Variants in NEIL3 observed in about 807,000 individuals in gnomAD.
NEIL3 encodes the protein endonuclease 8-like 3.
A neutral mutation model predicts 57.5 loss-of-function variants in NEIL3; 48 were observed. The observed-to-expected ratio is 0.83, with a 90% CI of 0.66 to 1.06. The LOEUF is 1.06. Among genes scored for constraint, NEIL3 ranks in the 50% least tolerant of loss-of-function variants. NEIL3 has a pLI of 0.00. For synonymous variants in NEIL3, 261 were observed against 253.2 expected, an observed-to-expected ratio of 1.03 and a Z score of -0.29; for missense variants, 717 against 739.1, an observed-to-expected ratio of 0.97 and a Z score of 0.35.
intron 5 of NEIL3, among the ~76,000 whole-genome samples, chr4:177,341,116 T>G (rs1735082170): frequency 6.6e-6 from 1 of 152,126 alleles, no homozygotes; most frequent in Non-Finnish European, 1.5e-5. Context: ...AATCTAGCCT[T>G]TTTCTTTTAA....
chr4:177,320,462 C>CTTTTTTTTTTTTTTTTTTTTTTT (rs1560908362), intron 1 of NEIL3, among the ~76,000 whole-genome samples: 1 of 110,694 alleles, frequency 9.0e-6, no homozygotes, highest in African/African-American at 3.4e-5. Flanking sequence ...GAAGTGACTG[C>CTTTTTTTTTTTTTTTTTTTTTTT]TGTCTTTTTT....
Position 177,353,695 on chromosome 4 carries a change from A to C in NEIL3, c.1427A>C (p.Glu476Ala). The C allele has an allele frequency of 1.2e-6, 2 of 1,613,076 alleles. No homozygotes were observed. The highest frequency in any genetic ancestry group is 1.7e-6 in the Non-Finnish European group (2 of 1,179,714). ...AAAACAGCCCAATACTCATCACCAG[A>C]GCTTAAAAGCTGCAACCCTGGATAT... ...KPKTAQYSSP[E>A]LKSCNPGYSN... The change falls in exon 8 of 10, where the codon GAG (glutamate) becomes GCG (alanine). Residue 476 changes from glutamate (E) to alanine (A), a missense_variant. Glu to Ala is a moderately radical substitution (Grantham distance 107). Transcript: ENST00000264596.
At chr4:177,339,992 T>C in intron 5 of NEIL3, 135 bp downstream of exon 5, 1 of 629,050 alleles carries the variant, frequency 1.6e-6, no homozygotes. Context: ...GAGAGTGACA[T>C]TATGTGGGTG....
intron 8 of NEIL3, among the ~76,000 whole-genome samples, chr4:177,358,009 C>T (rs1735515090): frequency 6.6e-6 from 1 of 152,062 alleles, no homozygotes; most frequent in African/African-American, 2.4e-5. Flanking sequence ...ATTTAATTAT[C>T]CTGGATAATG....
chr4:177,340,068 A>G (rs1735061958), intron 5 of NEIL3, among the ~76,000 whole-genome samples: 1 of 152,218 alleles, frequency 6.6e-6, no homozygotes, highest in Non-Finnish European at 1.5e-5. Context: ...ACCATATTCA[A>G]TTATCTTTAT....
At chr4:177,344,887 A>G (rs759112271) in intron 6 of NEIL3, among the ~76,000 whole-genome samples, 1 of 152,128 alleles carries the variant, frequency 6.6e-6, no homozygotes, top group Non-Finnish European at 1.5e-5. Context: ...ATTATTTGCT[A>G]GCTAATATAA....
intron 2 of NEIL3, among the ~76,000 whole-genome samples, chr4:177,326,018 C>A (rs1734773083): frequency 1.3e-5 from 2 of 152,048 alleles, no homozygotes; most frequent in South Asian, 4.1e-4. Context: ...TTAACCATAT[C>A]TCTTCAAGAT....
At chr4:177,310,193 T>C (rs1377326338) in intron 1 of NEIL3, 84 bp downstream of exon 1, 19 of 1,353,166 alleles carry the variant, frequency 1.4e-5, no homozygotes, top group Non-Finnish European at 4.8e-6. Flanking sequence ...ATTTAAAGTG[T>C]CATCTCTTTG....
chr4:177,362,281 TCCTGCAG>T lies in NEIL3; in HGVS notation c.1636-7_1636-1del. 1 of 1,589,612 alleles carries T rather than the reference TCCTGCAG, an allele frequency of 6.3e-7. No individual in the cohort carries two copies. Among genetic ancestry groups the T allele is most frequent in the Non-Finnish European group, 8.5e-7 (1 of 1,169,910 alleles). ...ATAAACTTGTAAATTTACCTTTTTTTCCTGCAGTGGGCAGATTTGTCCTTCCCATTCT... is the reference window on the plus strand; with the variant it reads ...ATAAACTTGTAAATTTACCTTTTTTTTGGGCAGATTTGTCCTTCCCATTCT... On this transcript the variant is annotated splice_acceptor_variant and splice_polypyrimidine_tract_variant and intron_variant, in intron 9 of 9. Transcript: ENST00000264596. LOFTEE classifies it high-confidence loss of function.
At chr4:177,335,976 C>G in intron 3 of NEIL3, 132 bp from the exon 4 acceptor site, 1 of 1,040,158 alleles carries the variant, frequency 9.6e-7, no homozygotes, top group Non-Finnish European at 1.4e-6. Context: ...TTTGTAAGGT[C>G]TTTGTTGTTT....
At chr4:177,367,298 C>T (rs116757233), downstream of NEIL3, among the ~76,000 whole-genome samples, 1 of 152,240 alleles carries the variant, frequency 6.6e-6, no homozygotes, top group African/African-American at 2.4e-5. Flanking sequence ...TGCCATCAGC[C>T]TCTTGAGGTT....
In NEIL3 at chr4:177,338,024, T is replaced by TCTCA. The variant is rs71597499; in HGVS notation, c.627+1704_627+1705insTCAC. Among the ~76,000 whole-genome samples the TCTCA allele has an allele frequency of 9.7e-3, 1,446 of 149,454 alleles. 32 individuals carry two copies. The highest frequency in any genetic ancestry group is 0.034 in the African/African-American group (1,370 of 40,550). On this transcript the variant is annotated intron_variant, in intron 4 of 9. Coordinates refer to ENST00000264596, the MANE Select transcript of NEIL3 (RefSeq NM_018248.3). Reference sequence around the variant, plus strand: ...CAGAGCGAGACTCTGTCTCTCTCTCTCACACACACACACACACACACACAC... The same window carrying TCTCA: ...CAGAGCGAGACTCTGTCTCTCTCTCTCTCACACACACACACACACACACACACAC...
chr4:177,345,181 G>A (rs1391690905), intron 6 of NEIL3, among the ~76,000 whole-genome samples: 3 of 152,220 alleles, frequency 2.0e-5, no homozygotes, highest in African/African-American at 7.2e-5. Flanking sequence ...AAACACTTAA[G>A]TCTACCTGGG....
At chr4:177,322,185 C>G (rs1734697980) in intron 1 of NEIL3, among the ~76,000 whole-genome samples, 2 of 152,130 alleles carry the variant, frequency 1.3e-5, no homozygotes, top group Non-Finnish European at 2.9e-5. Context: ...ATGCACAGAG[C>G]TATATGGTCC....
intron 1 of NEIL3, among the ~76,000 whole-genome samples, chr4:177,316,756 G>A (rs1036060297): frequency 1.2e-4 from 18 of 152,148 alleles, no homozygotes; most frequent in South Asian, 2.1e-4. Context: ...TCCCCAGAGA[G>A]CTTATAGACA....
At chr4:177,317,103 T>C (rs1445499057) in intron 1 of NEIL3, among the ~76,000 whole-genome samples, 1 of 152,236 alleles carries the variant, frequency 6.6e-6, no homozygotes, top group African/African-American at 2.4e-5. Flanking sequence ...TTTCTATAAG[T>C]TAATATCTAC....
intron 1 of NEIL3, among the ~76,000 whole-genome samples, chr4:177,316,622 A>T (rs192607156): frequency 2.1e-4 from 32 of 152,252 alleles, no homozygotes; most frequent in Admixed American, 1.0e-3. Context: ...AAGTGAATGT[A>T]TATTTTAAAG....
At chr4:177,317,597 CTTTTTTTTTT>C (rs745358876) in intron 1 of NEIL3, among the ~76,000 whole-genome samples, 1 of 70,070 alleles carries the variant, frequency 1.4e-5, no homozygotes, top group Non-Finnish European at 2.6e-5. Flanking sequence ...ACTTTCTTTT[CTTTTTTTTTT>C]TTTTTTTTTT....
At position 177,353,620 on chromosome 4, in the gene NEIL3, C is replaced by G. The variant is rs1735410244; in HGVS notation, c.1352C>G (p.Pro451Arg). The G allele has an allele frequency of 6.2e-7, 1 of 1,613,456 alleles. No individual in the cohort carries two copies. The highest frequency in any genetic ancestry group is 8.5e-7 in the Non-Finnish European group (1 of 1,179,600). ...CCATCCAGCAAAGTAAACATATCACCTACAATCAGTTCAGAATCTAAATTA... is the reference window on the plus strand; with the variant it reads ...CCATCCAGCAAAGTAAACATATCACGTACAATCAGTTCAGAATCTAAATTA... ...TQPSSKVNIS[P>R]TISSESKLFS... Residue 451 changes from proline (P) to arginine (R), a missense_variant, in exon 8 of 10, where the codon CCT (proline) becomes CGT (arginine). Coordinates refer to ENST00000264596, the MANE Select transcript of NEIL3 (RefSeq NM_018248.3).
Sources: gnomAD v4.1 joint callset for allele counts (sites outside exome capture counted in the v4.1 genomes callset) on GRCh38, gnomAD v4.1.1 for gene constraint, MANE v1.5 for transcripts, NCBI Gene and HGNC (gene_info 2026-07-23, HGNC 2026-07-21) for gene names.